VPS13B: variants seen among roughly 807,000 people sequenced by gnomAD.
VPS13B encodes the protein vacuolar protein sorting 13 homolog B.
A neutral mutation model predicts 426.4 loss-of-function variants in VPS13B; 285 were observed. The observed-to-expected ratio is 0.67, with a 90% CI of 0.61 to 0.74. The LOEUF (loss-of-function observed/expected upper bound fraction) is 0.74, where lower values mean the gene tolerates loss of function less well. Among genes scored for constraint, VPS13B ranks in the 30% least tolerant of loss-of-function variants. VPS13B has a pLI of 0.00. For missense variants in VPS13B, 4,537 were observed against 4,782.6 expected (o/e 0.95, Z 1.51); for synonymous variants, 1,676 against 1,676.4 (o/e 1.00, Z 0.01).
intron 30 of VPS13B, among the ~76,000 whole-genome samples, chr8:99,537,054 A>T (rs938646628): frequency 2.6e-5 from 4 of 152,218 alleles, no homozygotes; most frequent in African/African-American, 9.6e-5. Context: ...ATAAAACAAA[A>T]TCAAATATGT....
chr8:99,188,707 A>G (rs1261655042), intron 16 of VPS13B, among the ~76,000 whole-genome samples: 2 of 152,140 alleles, frequency 1.3e-5, no homozygotes, highest in African/African-American at 4.8e-5. Flanking sequence ...ATTTCTACCT[A>G]TTCAGGCCAT....
intron 35 of VPS13B, among the ~76,000 whole-genome samples, chr8:99,682,804 TCCCTCCCTATAGGAC>T (rs1263188676): frequency 6.6e-6 from 1 of 152,096 alleles, no homozygotes; most frequent in East Asian, 1.9e-4. Context: ...CAGGCTTGTG[TCCCTCCCTATAGGAC>T]ACTGAAATTT....
chr8:99,818,779 A>T lies in VPS13B; in HGVS notation c.8512A>T (p.Lys2838Ter). ...AGACCCCATTATCATACATTTGGAG[A>T]AAAGGAGTCTGGGATTGAGTGAAAC... The part of the protein sequence containing the change: ...LPDPIIIHLE[K>*]RSLGLSETQI... The change falls in exon 47 of 62, where the codon AAA (lysine) becomes TAA (stop). Residue 2838 changes from lysine to a stop codon, truncating the protein, a stop_gained. Coordinates refer to ENST00000357162, the MANE Select transcript of VPS13B (RefSeq NM_152564.5). LOFTEE classifies it high-confidence loss of function. 6.2e-7 allele frequency: 1 copy of T among 1,613,956 alleles called. No homozygotes were observed. The highest frequency in any genetic ancestry group is 8.5e-7 in the Non-Finnish European group (1 of 1,179,930).
At chr8:99,335,438 A>C (rs1810788036) in intron 19 of VPS13B, among the ~76,000 whole-genome samples, 1 of 151,864 alleles carries the variant, frequency 6.6e-6, no homozygotes, top group Non-Finnish European at 1.5e-5. Context: ...AGTTCTTTTA[A>C]TTGTGATGTT....
intron 3 of VPS13B, among the ~76,000 whole-genome samples, chr8:99,064,919 ACT>A (rs1421194625): frequency 6.6e-6 from 1 of 152,218 alleles, no homozygotes; most frequent in Non-Finnish European, 1.5e-5. Flanking sequence ...CTCAGCAGAA[ACT>A]CTACAAGCCA....
chr8:99,659,316 T>C (rs1366765825), intron 34 of VPS13B, among the ~76,000 whole-genome samples: 1 of 152,188 alleles, frequency 6.6e-6, no homozygotes, highest in Non-Finnish European at 1.5e-5. Flanking sequence ...TTTCTGTTGG[T>C]ACCTATATTG....
At chr8:99,167,691 A>G (rs1007753863) in intron 15 of VPS13B, among the ~76,000 whole-genome samples, 3 of 152,094 alleles carry the variant, frequency 2.0e-5, no homozygotes, top group South Asian at 4.1e-4. Flanking sequence ...AATCTTGATG[A>G]TGTATTCATT....
chr8:99,316,231 G>C (rs1003276047), intron 19 of VPS13B, among the ~76,000 whole-genome samples: 4 of 152,162 alleles, frequency 2.6e-5, no homozygotes, highest in African/African-American at 9.7e-5. Context: ...TTTGCTACTT[G>C]GAGTGGCAGG....
At chr8:99,240,351 A>G (rs1353421099) in intron 17 of VPS13B, among the ~76,000 whole-genome samples, 1 of 152,206 alleles carries the variant, frequency 6.6e-6, no homozygotes, top group Non-Finnish European at 1.5e-5. Flanking sequence ...TAGCCATTTA[A>G]TAATGTACTT....
intron 33 of VPS13B, among the ~76,000 whole-genome samples, chr8:99,598,526 A>G (rs564280552): frequency 6.6e-6 from 1 of 152,178 alleles, no homozygotes; most frequent in Non-Finnish European, 1.5e-5. Flanking sequence ...GTGTATGTAA[A>G]GACTAACACA....
At chr8:99,632,351 A>G (rs1031416196) in intron 33 of VPS13B, among the ~76,000 whole-genome samples, 1 of 152,100 alleles carries the variant, frequency 6.6e-6, no homozygotes, top group South Asian at 2.1e-4. Flanking sequence ...ACTTTATTCA[A>G]GCAGTTCCAT....
intron 31 of VPS13B, among the ~76,000 whole-genome samples, chr8:99,568,299 A>ATTTTTT: frequency 7.1e-6 from 1 of 141,018 alleles, no homozygotes; most frequent in African/African-American, 2.7e-5. Flanking sequence ...TATTATTATT[A>ATTTTTT]TTTTTTTTTG....
chr8:99,119,859 T>A (rs1169559196), intron 7 of VPS13B, among the ~76,000 whole-genome samples: 2 of 152,056 alleles, frequency 1.3e-5, no homozygotes, highest in Non-Finnish European at 2.9e-5. Flanking sequence ...TGGAGACTAA[T>A]TTTTCCATGG....
At chr8:99,339,790 A>G (rs1041507332) in intron 19 of VPS13B, among the ~76,000 whole-genome samples, 2 of 152,160 alleles carry the variant, frequency 1.3e-5, no homozygotes, top group African/African-American at 2.4e-5. Context: ...AAGCAAATGT[A>G]TAGCTGCATT....
intron 51 of VPS13B, among the ~76,000 whole-genome samples, chr8:99,826,600 C>T (rs36111985): frequency 0.37 from 56,189 of 152,006 alleles, 10,702 homozygotes; most frequent in East Asian, 0.47. Context: ...GAACTTCCAA[C>T]ACTATGTTGA....
At chr8:99,647,494 A>G (rs1017727621) in intron 34 of VPS13B, among the ~76,000 whole-genome samples, 3 of 150,182 alleles carry the variant, frequency 2.0e-5, no homozygotes, top group African/African-American at 7.4e-5. Context: ...AGGAAGAATC[A>G]CTTGAACCTG....
At position 99,538,851 on chromosome 8, in the gene VPS13B, C is replaced by A. The variant is rs538671671; in HGVS notation, c.4746-17599C>A. Among the ~76,000 whole-genome samples the A allele has an allele frequency of 5.1e-4, 77 of 152,168 alleles. 1 individual carries two copies. Among genetic ancestry groups the A allele is most frequent in the Middle Eastern group, 3.4e-3 (1 of 294 alleles). ...TGACAAAATTATTCATAATCTTTAC[C>A]TTCATGAAACATAGTTTAATTGACT... On this transcript the variant is annotated intron_variant, in intron 30 of 61. Coordinates refer to ENST00000357162, the MANE Select transcript of VPS13B (RefSeq NM_152564.5).
At chr8:99,146,981 C>T (rs1057079365) in intron 13 of VPS13B, among the ~76,000 whole-genome samples, 2 of 152,028 alleles carry the variant, frequency 1.3e-5, no homozygotes, top group African/African-American at 4.8e-5. Flanking sequence ...GACCCAGATT[C>T]CTTCTATTTT....
chr8:99,538,154 C>A (rs1465820201), intron 30 of VPS13B, among the ~76,000 whole-genome samples: 3 of 152,034 alleles, frequency 2.0e-5, no homozygotes, highest in Non-Finnish European at 4.4e-5. Flanking sequence ...ACTAGCTTTA[C>A]ATGGTAGTTT....
Sources: allele counts gnomAD v4.1 joint callset (sites outside exome capture counted in the v4.1 genomes callset), GRCh38; gene constraint gnomAD v4.1.1; transcripts MANE v1.5; gene names NCBI Gene and HGNC (gene_info 2026-07-23, HGNC 2026-07-21).